TENM3: variants seen among roughly 807,000 people sequenced by gnomAD.
The protein encoded by TENM3 is teneurin transmembrane protein 3.
A neutral mutation model predicts 255.1 loss-of-function variants in TENM3; 63 were observed. That is an observed-to-expected ratio of 0.25 (90% confidence interval 0.20 to 0.30). The LOEUF is 0.30. Ranked by LOEUF, TENM3 falls within the 10% of genes least tolerant of loss-of-function variation. The pLI is 1.00. For synonymous variants in TENM3, 1,306 were observed against 1,322.3 expected, an observed-to-expected ratio of 0.99 and a Z score of 0.27; for missense variants, 2,929 against 3,461.1, an observed-to-expected ratio of 0.85 and a Z score of 3.86.
intron 1 of TENM3, among the ~76,000 whole-genome samples, chr4:182,286,279 T>C (rs1461035817): frequency 6.6e-6 from 1 of 152,196 alleles, no homozygotes; most frequent in Non-Finnish European, 1.5e-5. Context: ...GTTTCTGCCT[T>C]TCTCTTAAAC....
rs746871594 is a variant in TENM3 at position 182,775,153 on chromosome 4, G to A, written c.5304G>A (p.Arg1768=). The A allele has an allele frequency of 1.2e-6, 2 of 1,613,730 alleles. No homozygotes were observed. The highest frequency in any genetic ancestry group is 4.5e-5 in the East Asian group (2 of 44,864). The part of the protein sequence containing the change: ...GKVNVFGRKL[R]VNGRNLLSVD... ...TCAATGTCTTTGGCCGCAAGCTCAG[G>A]GTACGTACGTGTTGTGGAGCAGGAG... The change falls in exon 24 of 28, where the codon AGG becomes AGA. Residue 1768 remains arginine, a splice_region_variant and synonymous_variant. Coordinates refer to ENST00000511685, the MANE Select transcript of TENM3 (RefSeq NM_001080477.4).
At chr4:182,434,644 C>G (rs1300630433) in intron 3 of TENM3, among the ~76,000 whole-genome samples, 1 of 121,834 alleles carries the variant, frequency 8.2e-6, no homozygotes, top group Non-Finnish European at 1.7e-5. Context: ...GCCTGGGAGA[C>G]AAAAAAAAAA....
At chr4:181,896,669 G>A in the TENM3 span, among the ~76,000 whole-genome samples, 1 of 152,164 alleles carries the variant, frequency 6.6e-6, no homozygotes, top group Non-Finnish European at 1.5e-5. Flanking sequence ...CCACTGGGGT[G>A]TATTTGATGA....
chr4:181,962,879 G>A, the TENM3 span, among the ~76,000 whole-genome samples: 489 of 152,242 alleles, frequency 3.2e-3, 1 homozygote, highest in African/African-American at 1.0e-2. Context: ...TAAATGGTAC[G>A]TAAAATTTCA....
intron 3 of TENM3, among the ~76,000 whole-genome samples, chr4:182,571,424 G>A (rs1744354566): frequency 6.6e-6 from 1 of 152,162 alleles, no homozygotes; most frequent in Admixed American, 6.5e-5. Context: ...TCCTCAGGAG[G>A]CTGAGGTGGG....
At chr4:181,659,053 T>C in the TENM3 span, among the ~76,000 whole-genome samples, 11 of 152,320 alleles carry the variant, frequency 7.2e-5, no homozygotes, top group South Asian at 2.3e-3. Flanking sequence ...AGGGAACAGA[T>C]TGATAACGTT....
chr4:182,264,378 G>A (rs1204054907), intron 1 of TENM3, among the ~76,000 whole-genome samples: 1 of 152,162 alleles, frequency 6.6e-6, no homozygotes, highest in Non-Finnish European at 1.5e-5. Context: ...TATGTCCTTG[G>A]GAACTTTACA....
At chr4:182,729,226 A>G (rs1290894302) in intron 14 of TENM3, 45 bp downstream of exon 14, 5 of 1,466,020 alleles carry the variant, frequency 3.4e-6, no homozygotes, top group South Asian at 1.1e-5. Context: ...GATGTTATCA[A>G]CAGTTACATA....
the TENM3 span, among the ~76,000 whole-genome samples, chr4:181,592,656 A>ATC: frequency 2.3e-5 from 3 of 131,738 alleles, no homozygotes; most frequent in African/African-American, 5.3e-5. Context: ...ACTGCTGAAA[A>ATC]TCTCTCTTTT....
upstream of TENM3, among the ~76,000 whole-genome samples, chr4:182,240,011 T>A (rs577202715): frequency 1.3e-5 from 2 of 152,276 alleles, no homozygotes; most frequent in East Asian, 3.9e-4. Context: ...AAAAAAACAA[T>A]ACTGTAATAA....
At chr4:181,499,531 G>C in the TENM3 span, among the ~76,000 whole-genome samples, 1 of 152,170 alleles carries the variant, frequency 6.6e-6, no homozygotes, top group Non-Finnish European at 1.5e-5. Flanking sequence ...GGGCACAGAG[G>C]AGGGAGATGA....
intron 1 of TENM3, among the ~76,000 whole-genome samples, chr4:182,227,970 A>G (rs1756287269): frequency 6.6e-6 from 1 of 152,160 alleles, no homozygotes; most frequent in African/African-American, 2.4e-5. Flanking sequence ...TAGCAATAAA[A>G]TGTAAGTGAA....
the TENM3 span, among the ~76,000 whole-genome samples, chr4:181,678,612 C>T: frequency 0.012 from 1,825 of 152,104 alleles, 15 homozygotes; most frequent in Non-Finnish European, 0.019. Flanking sequence ...AAAGTAACTT[C>T]ATCCTAAAAC....
At chr4:181,908,162 G>A in the TENM3 span, among the ~76,000 whole-genome samples, 1 of 152,010 alleles carries the variant, frequency 6.6e-6, no homozygotes, top group African/African-American at 2.4e-5. Flanking sequence ...AAAAAAATCA[G>A]TTGATTCTTA....
the TENM3 span, among the ~76,000 whole-genome samples, chr4:182,104,729 G>C: frequency 6.6e-6 from 1 of 151,954 alleles, no homozygotes; most frequent in Admixed American, 6.6e-5. Flanking sequence ...GGCGAGGCTG[G>C]TCTTGAACTC....
At chr4:181,655,783 C>T in the TENM3 span, among the ~76,000 whole-genome samples, 1 of 152,022 alleles carries the variant, frequency 6.6e-6, no homozygotes, top group African/African-American at 2.4e-5. Flanking sequence ...AGTCCAGAAG[C>T]GATAAAGTAC....
intron 1 of TENM3, among the ~76,000 whole-genome samples, chr4:182,200,208 G>T (rs906628928): frequency 5.9e-5 from 9 of 152,130 alleles, no homozygotes; most frequent in African/African-American, 2.2e-4. Flanking sequence ...CATAGAAAAA[G>T]AATCAGTCTA....
At chr4:182,256,399 CT>C (rs1396687834) in intron 1 of TENM3, among the ~76,000 whole-genome samples, 1 of 152,138 alleles carries the variant, frequency 6.6e-6, no homozygotes, top group Non-Finnish European at 1.5e-5. Context: ...ATTGCCCCAT[CT>C]TAGAATAAAG....
At chr4:181,903,899 C>T in the TENM3 span, among the ~76,000 whole-genome samples, 3 of 152,032 alleles carry the variant, frequency 2.0e-5, no homozygotes, top group East Asian at 1.9e-4. Flanking sequence ...ATTCTGCACT[C>T]GAGTCTTGGA....
Sources: gnomAD v4.1 joint callset for allele counts (sites outside exome capture counted in the v4.1 genomes callset) on GRCh38, gnomAD v4.1.1 for gene constraint, MANE v1.5 for transcripts, NCBI Gene and HGNC (gene_info 2026-07-23, HGNC 2026-07-21) for gene names.